The following TNR variants were observed in gnomAD, a reference collection of about 807,000 sequenced individuals.
The protein encoded by TNR is tenascin-R.
TNR carries 45 observed loss-of-function variants against 150.4 expected under a neutral mutation model. The observed-to-expected ratio is 0.30, with a 90% CI of 0.24 to 0.38. TNR has a LOEUF of 0.38. TNR is among the 10% of genes least tolerant of loss of function. The pLI is 1.00. For missense variants in TNR, 1,544 were observed against 1,759.1 expected, an observed-to-expected ratio of 0.88 and a Z score of 2.19; for synonymous variants, 687 against 678.4, an observed-to-expected ratio of 1.01 and a Z score of -0.20.
intron 2 of TNR, among the ~76,000 whole-genome samples, chr1:175,438,499 A>C (rs372264046): frequency 1.3e-5 from 2 of 152,162 alleles, no homozygotes; most frequent in Non-Finnish European, 2.9e-5. Context: ...CACCACTCCT[A>C]TTCAACATAG....
chr1:175,331,066 T>TTTCTTTCTTTCC (rs1296162933), intron 20 of TNR, among the ~76,000 whole-genome samples: 4 of 99,908 alleles, frequency 4.0e-5, no homozygotes, highest in Non-Finnish European at 6.2e-5. Context: ...TCTTTCTTTC[T>TTTCTTTCTTTCC]TTCTTTCTTT....
At chr1:175,446,192 T>C (rs188404902) in intron 2 of TNR, among the ~76,000 whole-genome samples, 1 of 152,322 alleles carries the variant, frequency 6.6e-6, no homozygotes, top group East Asian at 1.9e-4. Context: ...ACAAACGAAG[T>C]TCTTGGTTTG....
chr1:175,740,944 C>T (rs551766073), intron 1 of TNR, among the ~76,000 whole-genome samples: 111 of 152,320 alleles, frequency 7.3e-4, no homozygotes, highest in South Asian at 4.1e-3. Context: ...ATCAGGTGCA[C>T]GACATCAGTT....
chr1:175,676,460 G>A (rs539015368), intron 1 of TNR, among the ~76,000 whole-genome samples: 123 of 152,110 alleles, frequency 8.1e-4, no homozygotes, highest in Non-Finnish European at 1.5e-3. Flanking sequence ...TGAGTGTTGA[G>A]ACCAGCAAGC....
intron 1 of TNR, among the ~76,000 whole-genome samples, chr1:175,738,306 GGTAC>G (rs1667831388): frequency 1.3e-5 from 2 of 152,064 alleles, no homozygotes; most frequent in South Asian, 4.2e-4. Flanking sequence ...AACAAAATGT[GGTAC>G]ATACATACAG....
At chr1:175,626,187 C>G (rs1166749701) in intron 1 of TNR, among the ~76,000 whole-genome samples, 2 of 152,168 alleles carry the variant, frequency 1.3e-5, no homozygotes, top group East Asian at 3.8e-4. Flanking sequence ...TAAACCTCTT[C>G]CTTTTGTAAA....
intron 1 of TNR, among the ~76,000 whole-genome samples, chr1:175,611,312 C>A (rs1267034170): frequency 6.6e-6 from 1 of 151,940 alleles, no homozygotes; most frequent in African/African-American, 2.4e-5. Context: ...GGCACCTATC[C>A]TGGTCTCCAT....
chr1:175,529,268 A>T (rs1659972740), intron 1 of TNR, among the ~76,000 whole-genome samples: 1 of 152,186 alleles, frequency 6.6e-6, no homozygotes, highest in Non-Finnish European at 1.5e-5. Context: ...GATTTGCAAA[A>T]ATCAGGCGAC....
chr1:175,575,267 G>C (rs1662052494), intron 1 of TNR, among the ~76,000 whole-genome samples: 1 of 152,236 alleles, frequency 6.6e-6, no homozygotes, highest in Admixed American at 6.5e-5. Context: ...CAATGGACAG[G>C]TGGTGTGAAC....
chr1:175,604,453 A>T (rs983771128), intron 1 of TNR, among the ~76,000 whole-genome samples: 1 of 152,104 alleles, frequency 6.6e-6, no homozygotes, highest in African/African-American at 2.4e-5. Flanking sequence ...TTCCTTTCAC[A>T]GTTGGGAAGA....
intron 1 of TNR, among the ~76,000 whole-genome samples, chr1:175,644,483 G>A (rs1664752480): frequency 6.6e-6 from 1 of 152,176 alleles, no homozygotes. Flanking sequence ...AACTGTGTGA[G>A]GACATATGTT....
intron 1 of TNR, among the ~76,000 whole-genome samples, chr1:175,606,377 T>C (rs555340012): frequency 6.6e-6 from 1 of 152,292 alleles, no homozygotes; most frequent in East Asian, 1.9e-4. Flanking sequence ...ATGCAAAATA[T>C]GATCGACTGA....
chr1:175,588,189 G>A (rs902971293), intron 1 of TNR, among the ~76,000 whole-genome samples: 9 of 152,218 alleles, frequency 5.9e-5, no homozygotes, highest in Non-Finnish European at 1.3e-4. Flanking sequence ...ACCGCTTAAT[G>A]GCAACAGAGA....
chr1:175,480,199 C>A lies in TNR; in HGVS notation c.-64+48070G>T, dbSNP rs151335306. ...TCAGGAGCTTGGATGTGCCCTGAAT[C>A]CTGTGCTCACTGCAGGACAGCTGCA... On this transcript the variant is annotated intron_variant, in intron 2 of 22. Coordinates refer to ENST00000367674, the MANE Select transcript of TNR (RefSeq NM_003285.3). Among the ~76,000 whole-genome samples, 19 of 152,002 alleles carry A rather than the reference C, an allele frequency of 1.2e-4. No individual in the cohort carries two copies. The East Asian group carries it at 3.5e-3, about 28-fold the overall frequency.
chr1:175,676,098 C>T (rs1256960080), intron 1 of TNR, among the ~76,000 whole-genome samples: 1 of 152,130 alleles, frequency 6.6e-6, no homozygotes, highest in Non-Finnish European at 1.5e-5. Flanking sequence ...CTGCACTGAG[C>T]TTTACAAATG....
intron 1 of TNR, among the ~76,000 whole-genome samples, chr1:175,721,405 G>A (rs537648348): frequency 6.6e-6 from 1 of 152,172 alleles, no homozygotes; most frequent in African/African-American, 2.4e-5. Flanking sequence ...AATATGTGTG[G>A]GCATGCCGAG....
intron 2 of TNR, among the ~76,000 whole-genome samples, chr1:175,416,371 C>T (rs1454284313): frequency 6.6e-6 from 1 of 152,184 alleles, no homozygotes; most frequent in East Asian, 1.9e-4. Context: ...CTCCCTTCAG[C>T]AGCTGCCTCT....
intron 1 of TNR, among the ~76,000 whole-genome samples, chr1:175,604,080 A>C (rs1663335278): frequency 6.6e-6 from 1 of 152,114 alleles, no homozygotes; most frequent in Non-Finnish European, 1.5e-5. Flanking sequence ...GCCAAACTGA[A>C]GGAGTGAGGG....
chr1:175,530,781 C>T (rs1271718602), intron 1 of TNR, among the ~76,000 whole-genome samples: 1 of 152,004 alleles, frequency 6.6e-6, no homozygotes, highest in East Asian at 1.9e-4. Flanking sequence ...GAACTATCCA[C>T]ATTACCTCGG....
Sources: gnomAD v4.1 joint callset for allele counts (sites outside exome capture counted in the v4.1 genomes callset) on GRCh38, gnomAD v4.1.1 for gene constraint, MANE v1.5 for transcripts, NCBI Gene and HGNC (gene_info 2026-07-23, HGNC 2026-07-21) for gene names.